Variants in PTPN11 observed in about 807,000 individuals in gnomAD.
The protein encoded by PTPN11 is protein tyrosine phosphatase non-receptor type 11, also known as tyrosine-protein phosphatase non-receptor type 11.
PTPN11 carries 6 observed loss-of-function variants against 78.8 expected under a neutral mutation model. The ratio of observed to expected loss-of-function variants is 0.08; its 90% confidence interval spans 0.04 to 0.15. PTPN11 has a LOEUF of 0.15. PTPN11 is among the 10% of genes least tolerant of loss of function. The pLI is 1.00. For missense variants in PTPN11, 386 were observed against 744.8 expected (o/e 0.52, Z 5.61); for synonymous variants, 221 against 263.5 (o/e 0.84, Z 1.56).
intron 1 of PTPN11, among the ~76,000 whole-genome samples, chr12:112,420,630 C>G (rs2037509482): frequency 6.6e-6 from 1 of 152,202 alleles, no homozygotes; most frequent in Non-Finnish European, 1.5e-5. Context: ...GCGTGAGCCA[C>G]CGTACCCAGC....
Position 112,482,815 on chromosome 12 carries a change from G to A in PTPN11, c.1224+610G>A, listed in dbSNP as rs1283516947. 1.3e-5 allele frequency among the ~76,000 whole-genome samples: 2 copies of A among 152,200 alleles called. No homozygotes were observed. The highest frequency in any genetic ancestry group is 4.8e-5 in the African/African-American group (2 of 41,456). On this transcript the variant is annotated intron_variant, in intron 10 of 15. Coordinates refer to ENST00000351677, the MANE Select transcript of PTPN11 (RefSeq NM_002834.5). The surrounding 1 kb of genome is among the most constrained non-coding windows in gnomAD (Gnocchi z 4.4). ...AGGAAGGAGGGATTCAAGACACATT[G>A]TAGAGGTTTGAGTCTGAGCGGACAG...
intron 13 of PTPN11, among the ~76,000 whole-genome samples, chr12:112,493,182 C>G (rs528799523): frequency 2.6e-5 from 4 of 151,802 alleles, no homozygotes; most frequent in Non-Finnish European, 2.9e-5. Context: ...CCTTGGCCTC[C>G]CCAGTAGCTG....
At chr12:112,476,750 C>T (rs918112408) in intron 7 of PTPN11, among the ~76,000 whole-genome samples, 3 of 152,102 alleles carry the variant, frequency 2.0e-5, no homozygotes, top group Non-Finnish European at 4.4e-5. Flanking sequence ...ACCTGGGTGA[C>T]AGAGGAAAAC....
At chr12:112,449,941 TG>T (rs908054376) in intron 2 of PTPN11, among the ~76,000 whole-genome samples, 1 of 152,130 alleles carries the variant, frequency 6.6e-6, no homozygotes, top group Non-Finnish European at 1.5e-5. Context: ...GGCGCATTCC[TG>T]TAATCCCAGC....
Position 112,508,397 on chromosome 12 carries a change from G to A in PTPN11, c.*2605G>A, listed in dbSNP as rs1316284705. On this transcript the variant is annotated 3_prime_UTR_variant, in exon 16 of 16. Coordinates refer to ENST00000351677, the MANE Select transcript of PTPN11 (RefSeq NM_002834.5). The stretch of plus-strand genomic sequence containing the variant: ...CAGAGAGGCTGGGATGATGGAGAAA[G>A]CTCGAGGTGAAGTTTTAAAAAAAAA... The A allele has an allele frequency of 1.3e-5, 2 of 152,198 alleles. No individual in the cohort carries two copies. Among genetic ancestry groups the A allele is most frequent in the African/African-American group, 4.8e-5 (2 of 41,428 alleles). The allele number at this position is 152,198 out of a possible 1,614,324, so 9.4% of individuals were successfully genotyped here.
At chr12:112,425,647 A>G (rs528619756) in intron 1 of PTPN11, among the ~76,000 whole-genome samples, 4 of 152,296 alleles carry the variant, frequency 2.6e-5, no homozygotes, top group East Asian at 1.9e-4. Context: ...CCTGAATAAC[A>G]TACATTGTAC....
rs377746315 is a variant in PTPN11 at position 112,507,195 on chromosome 12, G to C, written c.*1403G>C. 1 of 152,818 alleles carries C rather than the reference G, an allele frequency of 6.5e-6. No individual in the cohort carries two copies. The highest frequency in any genetic ancestry group is 6.5e-5 in the Admixed American group (1 of 15,302). The allele number at this position is 152,818 out of a possible 1,614,324, so 9.5% of individuals were successfully genotyped here. On this transcript the variant is annotated 3_prime_UTR_variant, in exon 16 of 16. Transcript: ENST00000351677. The stretch of plus-strand genomic sequence containing the variant: ...AAGTTGCTAGTGACCTTGGGAAGCC[G>C]AAGCTGCTTACAGTAGCTGGGACAA...
intron 6 of PTPN11, among the ~76,000 whole-genome samples, chr12:112,467,326 C>T (rs779272824): frequency 9.2e-5 from 14 of 151,990 alleles, no homozygotes; most frequent in Non-Finnish European, 1.9e-4. Context: ...TTTATAAAGA[C>T]AAGAGGTTTA....
At chr12:112,472,772 A>G (rs1815202096) in intron 6 of PTPN11, among the ~76,000 whole-genome samples, 172 bp from the exon 7 acceptor site, 1 of 152,138 alleles carries the variant, frequency 6.6e-6, no homozygotes. Flanking sequence ...AAGTGTGGGG[A>G]TTACAGGTGT....
chr12:112,452,592 A>T (rs2038094582), intron 3 of PTPN11, among the ~76,000 whole-genome samples: 1 of 151,016 alleles, frequency 6.6e-6, no homozygotes. Context: ...CGGTGGCATG[A>T]TCATAGCGCA....
intron 1 of PTPN11, among the ~76,000 whole-genome samples, chr12:112,433,162 C>G (rs1231860535): frequency 6.6e-6 from 1 of 152,158 alleles, no homozygotes; most frequent in Non-Finnish European, 1.5e-5. Flanking sequence ...TTTACAGGCA[C>G]CTGGCCACCA....
chr12:112,466,352 C>T (rs1455188637), intron 6 of PTPN11, among the ~76,000 whole-genome samples: 16 of 152,208 alleles, frequency 1.1e-4, no homozygotes, highest in Non-Finnish European at 8.8e-5. Flanking sequence ...TACCTTGTTG[C>T]ACAATCTGCA....
In PTPN11 at chr12:112,442,828, TTTTATATATATA is replaced by T. The variant is rs1484144656; in HGVS notation, c.15-3446_15-3435del. ...CTCTCTCTCCTCTCTCTCTCTCTCTTTTTATATATATATATATATATATATATATATATATAT... is the reference window on the plus strand; with the variant it reads ...CTCTCTCTCCTCTCTCTCTCTCTCTTTATATATATATATATATATATATAT... On this transcript the variant is annotated intron_variant, in intron 1 of 15. Coordinates refer to ENST00000351677, the MANE Select transcript of PTPN11 (RefSeq NM_002834.5). 1.4e-3 allele frequency among the ~76,000 whole-genome samples: 79 copies of T among 54,992 alleles called. 1 individual carries two copies. Among genetic ancestry groups the T allele is most frequent in the African/African-American group, 5.7e-3 (77 of 13,550 alleles). The allele number at this position is 54,992 out of a possible 152,430, so 36.1% of individuals were successfully genotyped here.
intron 13 of PTPN11, among the ~76,000 whole-genome samples, chr12:112,501,782 G>A (rs959450409): frequency 5.9e-5 from 9 of 152,306 alleles, no homozygotes; most frequent in African/African-American, 1.2e-4. Flanking sequence ...CCAGCTGTTT[G>A]CCTGAAAAAC....
chr12:112,446,626 A>C (rs1170385342), intron 2 of PTPN11, among the ~76,000 whole-genome samples: 1 of 152,184 alleles, frequency 6.6e-6, no homozygotes, highest in Admixed American at 6.5e-5. Context: ...GGAGCAGGTC[A>C]TAGAAGTTCT....
Position 112,453,348 on chromosome 12 carries a change from C to T in PTPN11, c.486C>T (p.Asp162=), listed in dbSNP as rs397507522. The change falls in exon 4 of 16, where the codon GAC becomes GAT. Residue 162 remains aspartate (D), a synonymous_variant. Coordinates refer to ENST00000351677, the MANE Select transcript of PTPN11 (RefSeq NM_002834.5). ...GTGATGACAAAGGGGAGAGCAATGA[C>T]GGCAAGTCTAAAGTGACCCATGTTA... ...RTGDDKGESN[D]GKSKVTHVMI... The T allele has an allele frequency of 8.7e-5, 141 of 1,614,078 alleles. No homozygotes were observed. Among genetic ancestry groups the T allele is most frequent in the Admixed American group, 2.3e-4 (14 of 60,008 alleles).
At chr12:112,484,013 G>A (rs764350855) in intron 10 of PTPN11, among the ~76,000 whole-genome samples, 2 of 152,080 alleles carry the variant, frequency 1.3e-5, no homozygotes, top group Non-Finnish European at 2.9e-5. Context: ...GCAGAGCGTC[G>A]TGGATGGATC....
At chr12:112,478,111 T>G (rs1327858290) in intron 9 of PTPN11, 96 bp downstream of exon 9, 1 of 1,372,212 alleles carries the variant, frequency 7.3e-7, no homozygotes, top group East Asian at 2.4e-5. Flanking sequence ...GAATTAAGCT[T>G]ACTGTAACTG....
chr12:112,461,912 A>G (rs1263670743), intron 6 of PTPN11, among the ~76,000 whole-genome samples: 1 of 152,194 alleles, frequency 6.6e-6, no homozygotes, highest in Non-Finnish European at 1.5e-5. Context: ...CAAAAATCCT[A>G]CTTCTTGAAG....
Sources: gnomAD v4.1 joint callset for allele counts (sites outside exome capture counted in the v4.1 genomes callset) on GRCh38, gnomAD v4.1.1 for gene constraint, Gnocchi (gnomAD v3.1) non-coding constraint, MANE v1.5 for transcripts, NCBI Gene and HGNC (gene_info 2026-07-23, HGNC 2026-07-21) for gene names.